The following NME7 variants were observed in gnomAD, a reference collection of about 807,000 sequenced individuals.
NME7 encodes the protein NME/NM23 family member 7, also known as nucleoside diphosphate kinase 7.
NME7 carries 41 observed loss-of-function variants against 49.1 expected under a neutral mutation model. That is an observed-to-expected ratio of 0.83 (90% CI 0.65 to 1.08). The LOEUF (loss-of-function observed/expected upper bound fraction) is 1.08. NME7 is among the 50% of genes least tolerant of loss of function. The pLI, the probability that NME7 is intolerant of heterozygous loss-of-function variation, is 0.00. For missense variants in NME7, 423 were observed against 463.4 expected (o/e 0.91, Z 0.80); for synonymous variants, 139 against 150.6 (o/e 0.92, Z 0.56).
intron 11 of NME7, among the ~76,000 whole-genome samples, chr1:169,150,107 G>C (rs1658867255): frequency 6.6e-6 from 1 of 152,150 alleles, no homozygotes; most frequent in African/African-American, 2.4e-5. Flanking sequence ...AGGAATTCAA[G>C]GCTGCATTGA....
chr1:169,228,051 C>CACAA (rs1557997207), intron 10 of NME7, among the ~76,000 whole-genome samples: 1 of 151,198 alleles, frequency 6.6e-6, no homozygotes, highest in East Asian at 1.9e-4. Flanking sequence ...TACACACACA[C>CACAA]ACACACACAC....
chr1:169,344,171 TTAATC>T (rs1051435687), intron 1 of NME7, among the ~76,000 whole-genome samples: 2 of 152,238 alleles, frequency 1.3e-5, no homozygotes, highest in African/African-American at 4.8e-5. Context: ...AGTTAATTTC[TTAATC>T]TCTTTTTCAG....
At chr1:169,165,961 C>T (rs1659402270) in intron 11 of NME7, among the ~76,000 whole-genome samples, 1 of 152,202 alleles carries the variant, frequency 6.6e-6, no homozygotes, top group Non-Finnish European at 1.5e-5. Context: ...CTAAACCACA[C>T]AGTCATTAAT....
At chr1:169,262,034 C>T (rs1474668938) in intron 7 of NME7, among the ~76,000 whole-genome samples, 1 of 134,068 alleles carries the variant, frequency 7.5e-6, no homozygotes, top group Non-Finnish European at 1.8e-5. Context: ...TCCTGGTATT[C>T]ATGTGCTTGT....
At chr1:169,171,589 C>T (rs988379037) in intron 10 of NME7, among the ~76,000 whole-genome samples, 1 of 151,922 alleles carries the variant, frequency 6.6e-6, no homozygotes, top group Non-Finnish European at 1.5e-5. Flanking sequence ...ATGGTGAAAC[C>T]CTGTTTCTAC....
chr1:169,282,991 T>C (rs1650088203), intron 7 of NME7, among the ~76,000 whole-genome samples: 1 of 152,152 alleles, frequency 6.6e-6, no homozygotes, highest in Admixed American at 6.6e-5. Context: ...GTTCAAGTCC[T>C]GAATATCCTT....
rs114325089 is a variant in NME7, at chr1:169,293,204, G to A, written c.648+5352C>T. Reference sequence around the variant, plus strand: ...CTAGCTACTTGGGAGGCTGAGGCAAGTGGATGGCTTGAGCCCATGGGTTCA... The same window carrying A: ...CTAGCTACTTGGGAGGCTGAGGCAAATGGATGGCTTGAGCCCATGGGTTCA... On this transcript the variant is annotated intron_variant, in intron 6 of 11. Transcript: ENST00000367811. 6.0e-3 allele frequency among the ~76,000 whole-genome samples: 913 copies of A among 151,582 alleles called. 4 individuals are homozygous for A. The highest frequency in any genetic ancestry group is 0.01 in the Middle Eastern group (3 of 294).
intron 10 of NME7, among the ~76,000 whole-genome samples, chr1:169,182,182 A>AAAAAAAC (rs1214924678): frequency 1.3e-5 from 2 of 148,552 alleles, no homozygotes; most frequent in East Asian, 2.0e-4. Flanking sequence ...TTTAAAAAAA[A>AAAAAAAC]AAAAAAACAA....
intron 10 of NME7, among the ~76,000 whole-genome samples, chr1:169,179,144 A>G (rs1396706789): frequency 6.6e-6 from 1 of 152,180 alleles, no homozygotes; most frequent in East Asian, 1.9e-4. Flanking sequence ...ATAGCAGTGA[A>G]GTTATAAAAG....
chr1:169,328,209 T>A (rs1652134408), intron 1 of NME7, among the ~76,000 whole-genome samples: 1 of 152,036 alleles, frequency 6.6e-6, no homozygotes, highest in East Asian at 1.9e-4. Flanking sequence ...GAGGGGGGGA[T>A]TATGGAGGAA....
At chr1:169,359,109 G>A (rs918669505) in intron 1 of NME7, among the ~76,000 whole-genome samples, 2 of 152,092 alleles carry the variant, frequency 1.3e-5, no homozygotes, top group African/African-American at 2.4e-5. Context: ...ATCCTTAGAC[G>A]CTCAAGTCCC....
rs768450528 is a variant in NME7 at position 169,298,605 on chromosome 1, C to T, written c.599G>A (p.Gly200Asp). 1 of 1,613,940 alleles carries T rather than the reference C, an allele frequency of 6.2e-7. No individual in the cohort carries two copies. Among genetic ancestry groups the T allele is most frequent in the East Asian group, 2.2e-5 (1 of 44,878 alleles). The change falls in exon 6 of 12, where the codon GGC (glycine) becomes GAC (aspartate). Residue 200 changes from glycine to aspartate, a missense_variant. Transcript: ENST00000367811. The stretch of plus-strand genomic sequence containing the variant: ...AGGGCCATGCGCTGCATTTCTTATG[C>T]CATCTGTTCCAAAGAGGGCTCTAAT... ...ESIRALFGTD[G>D]IRNAAHGPDS...
chr1:169,161,585 C>T (rs78292951), intron 11 of NME7, among the ~76,000 whole-genome samples: 5,464 of 152,198 alleles, frequency 0.036, 140 homozygotes, highest in Middle Eastern at 0.075. Context: ...ACTGACTTTG[C>T]AAAGATTATG....
At chr1:169,305,428 T>C (rs1651133669) in intron 4 of NME7, among the ~76,000 whole-genome samples, 3 of 152,230 alleles carry the variant, frequency 2.0e-5, no homozygotes, top group African/African-American at 7.2e-5. Flanking sequence ...TTCTGGATAT[T>C]GTCATCATGG....
intron 11 of NME7, among the ~76,000 whole-genome samples, chr1:169,154,466 T>G (rs1046183663): frequency 6.6e-6 from 1 of 152,186 alleles, no homozygotes; most frequent in African/African-American, 2.4e-5. Flanking sequence ...TCATGTTACA[T>G]TGAAGAACTC....
intron 1 of NME7, among the ~76,000 whole-genome samples, chr1:169,334,683 C>T (rs141393121): frequency 1.2e-4 from 19 of 152,228 alleles, no homozygotes; most frequent in Non-Finnish European, 1.9e-4. Context: ...AGGCCGAATG[C>T]GATTGCAACA....
At chr1:169,276,968 A>G (rs1360557795) in intron 7 of NME7, among the ~76,000 whole-genome samples, 1 of 150,222 alleles carries the variant, frequency 6.7e-6, no homozygotes, top group African/African-American at 2.4e-5. Flanking sequence ...TCAGGAGCAG[A>G]CTGTTCAGTT....
Position 169,263,220 on chromosome 1 carries a change from C to T in NME7, c.754+24083G>A. On this transcript the variant is annotated intron_variant, in intron 7 of 11. Coordinates refer to ENST00000367811, the MANE Select transcript of NME7 (RefSeq NM_013330.5). Reference sequence around the variant, plus strand: ...GTGCCTTCTTTCTTCCAAACAACCACACTAGTTCTCCAGTTAAGGGTTATT... The same window carrying T: ...GTGCCTTCTTTCTTCCAAACAACCATACTAGTTCTCCAGTTAAGGGTTATT... Among the ~76,000 whole-genome samples the T allele has an allele frequency of 1.5e-5, 2 of 134,124 alleles. 1 individual carries two copies. Among genetic ancestry groups the T allele is most frequent in the Non-Finnish European group, 3.5e-5 (2 of 57,098 alleles). 88.0% of individuals were successfully genotyped at this position (134,124 alleles called of 152,430 possible). A position where few individuals can be genotyped will look rare whatever the true frequency, so the allele number is the denominator to read the frequency against.
intron 6 of NME7, among the ~76,000 whole-genome samples, chr1:169,291,487 C>A (rs1571361101): frequency 6.6e-6 from 1 of 151,962 alleles, no homozygotes; most frequent in African/African-American, 2.4e-5. Flanking sequence ...GAACATCACA[C>A]ACCGTGGCAT....
Sources: allele counts gnomAD v4.1 joint callset (sites outside exome capture counted in the v4.1 genomes callset), GRCh38; gene constraint gnomAD v4.1.1; transcripts MANE v1.5; gene names NCBI Gene and HGNC (gene_info 2026-07-23, HGNC 2026-07-21).